Variants in CDC5L observed in about 807,000 individuals in gnomAD.
CDC5L encodes the protein cell division cycle 5 like, also known as cell division cycle 5-like protein.
Under a neutral mutation model 104.1 loss-of-function variants are expected in CDC5L, and 18 were observed. That is an observed-to-expected ratio of 0.17 (90% CI 0.12 to 0.26). The LOEUF (loss-of-function observed/expected upper bound fraction) is 0.26. Ranked by LOEUF, CDC5L falls within the 10% of genes least tolerant of loss-of-function variation. The pLI is 1.00. For synonymous variants in CDC5L, 331 were observed against 322.7 expected (o/e 1.03, Z -0.28); for missense variants, 673 against 956.9 (o/e 0.70, Z 3.91).
chr6:44,438,670 T>A (rs1020458101), intron 14 of CDC5L, among the ~76,000 whole-genome samples: 1 of 144,956 alleles, frequency 6.9e-6, no homozygotes, highest in Non-Finnish European at 1.5e-5. Flanking sequence ...TTTGTCTTTT[T>A]TTTTTTTTTT....
chr6:44,405,238 C>G (rs991239541), intron 6 of CDC5L, among the ~76,000 whole-genome samples: 1 of 152,012 alleles, frequency 6.6e-6, no homozygotes, highest in Admixed American at 6.6e-5. Flanking sequence ...CTCCGTTGAC[C>G]TTTCATTTCT....
intron 7 of CDC5L, among the ~76,000 whole-genome samples, chr6:44,407,429 C>G (rs904519255): frequency 2.0e-5 from 3 of 151,896 alleles, no homozygotes. Context: ...CGCGTTCAAG[C>G]GATTCTCCTG....
intron 9 of CDC5L, 95 bp downstream of exon 9, chr6:44,419,692 T>C (rs556640164): frequency 9.9e-6 from 9 of 909,672 alleles, no homozygotes; most frequent in African/African-American, 5.0e-5. Context: ...TGACTACTTA[T>C]TGTGTTGGAT....
chr6:44,432,917 T>A (rs1293205), intron 14 of CDC5L, among the ~76,000 whole-genome samples: 46,486 of 152,084 alleles, frequency 0.31, 9,314 homozygotes, highest in East Asian at 0.74. Context: ...TACCATGCTG[T>A]GTCCATTTTT....
chr6:44,426,614 T>C lies in CDC5L; in HGVS notation c.1783T>C (p.Ser595Pro). The C allele has an allele frequency of 6.2e-7, 1 of 1,613,492 alleles. No individual in the cohort carries two copies. The part of the protein sequence containing the change: ...YDLLHHPYEP[S>P]GNKKGKTVGF... ...CCTTCTACATCACCCTTATGAACCATCTGGAAATAAAAAAGGCAAAACTGT... is the reference window on the plus strand; with the variant it reads ...CCTTCTACATCACCCTTATGAACCACCTGGAAATAAAAAAGGCAAAACTGT... Residue 595 changes from serine to proline, a missense_variant, in exon 13 of 16, where the codon TCT becomes CCT. Ser to Pro is a moderately conservative substitution (Grantham distance 74). Coordinates refer to ENST00000371477, the MANE Select transcript of CDC5L (RefSeq NM_001253.4).
intron 11 of CDC5L, among the ~76,000 whole-genome samples, chr6:44,425,733 T>C (rs1053893150): frequency 6.6e-6 from 1 of 152,086 alleles, no homozygotes; most frequent in Non-Finnish European, 1.5e-5. Flanking sequence ...AACAATACAT[T>C]TTTTGGCTGG....
intron 14 of CDC5L, among the ~76,000 whole-genome samples, chr6:44,437,330 G>A (rs1477535653): frequency 6.6e-6 from 1 of 152,104 alleles, no homozygotes; most frequent in African/African-American, 2.4e-5. Context: ...TACAAAGCAT[G>A]CAGATACCCT....
At chr6:44,395,292 T>C (rs1453442187) in intron 4 of CDC5L, among the ~76,000 whole-genome samples, 12 of 152,228 alleles carry the variant, frequency 7.9e-5, no homozygotes. Context: ...AGGTGATGGG[T>C]ACCCCAGATA....
rs561055940 is a variant in CDC5L at position 44,399,231 on chromosome 6, G to T, written c.539+2791G>T. ...GCCTCCCAAAGTGCTGGGATTGCAG[G>T]TGTGAGCCACTGTGACTGGCCTGTC... On this transcript the variant is annotated intron_variant, in intron 5 of 15. Transcript: ENST00000371477. Among the ~76,000 whole-genome samples the T allele has an allele frequency of 3.3e-3, 506 of 152,288 alleles. 2 individuals carry two copies. The highest frequency in any genetic ancestry group is 4.5e-3 in the Non-Finnish European group (304 of 68,010).
intron 9 of CDC5L, among the ~76,000 whole-genome samples, chr6:44,421,665 A>G (rs898016764): frequency 6.6e-6 from 1 of 152,270 alleles, no homozygotes; most frequent in Non-Finnish European, 1.5e-5. Flanking sequence ...CAGTACAACA[A>G]TAACAAATAA....
At chr6:44,422,328 C>T (rs1467802092) in intron 9 of CDC5L, among the ~76,000 whole-genome samples, 2 of 152,206 alleles carry the variant, frequency 1.3e-5, no homozygotes, top group East Asian at 1.9e-4. Flanking sequence ...TGGCCCACCT[C>T]CCTGCCCACT....
At position 44,391,409 on chromosome 6, in the gene CDC5L, C is replaced by T. The variant is rs369157873; in HGVS notation, c.149+1038C>T. On this transcript the variant is annotated intron_variant, in intron 2 of 15. Coordinates refer to ENST00000371477, the MANE Select transcript of CDC5L (RefSeq NM_001253.4). ...GACTACAGGCTCCTGCCACCATTCCCGGCTAATTTTTTGTATTTTTAGTAG... is the reference window on the plus strand; with the variant it reads ...GACTACAGGCTCCTGCCACCATTCCTGGCTAATTTTTTGTATTTTTAGTAG... 1.9e-4 allele frequency among the ~76,000 whole-genome samples: 29 copies of T among 151,958 alleles called. 1 individual carries two copies. Among genetic ancestry groups the T allele is most frequent in the Non-Finnish European group, 3.2e-4 (22 of 67,972 alleles).
intron 2 of CDC5L, among the ~76,000 whole-genome samples, chr6:44,392,033 A>G (rs1790647744): frequency 6.6e-6 from 1 of 152,108 alleles, no homozygotes; most frequent in South Asian, 2.1e-4. Context: ...AGGCTGAAGA[A>G]GTCGTTCTGA....
intron 14 of CDC5L, chr6:44,435,591 G>A (rs1245666698): frequency 1.3e-5 from 2 of 153,750 alleles, no homozygotes; most frequent in East Asian, 2.0e-4. Flanking sequence ...GAGGGGGACA[G>A]TCAGTTTATT....
At chr6:44,393,125 A>C (rs1790692210) in intron 3 of CDC5L, among the ~76,000 whole-genome samples, 1 of 151,692 alleles carries the variant, frequency 6.6e-6, no homozygotes, top group African/African-American at 2.4e-5. Flanking sequence ...TCACACTGCT[A>C]AGAATTAACT....
At position 44,436,325 on chromosome 6, in the gene CDC5L, A is replaced by G. The variant is rs987132919; in HGVS notation, c.2091+6415A>G. Among the ~76,000 whole-genome samples the G allele has an allele frequency of 3.3e-5, 5 of 152,198 alleles. 1 individual carries two copies. In the South Asian group the frequency reaches 6.2e-4, roughly 19 times the overall value. The stretch of plus-strand genomic sequence containing the variant: ...TTTTATATTCTGTAAATTTTGAGGA[A>G]TGTCTGAAGTTTTAGACATGGGCTG... On this transcript the variant is annotated intron_variant, in intron 14 of 15. Coordinates refer to ENST00000371477, the MANE Select transcript of CDC5L (RefSeq NM_001253.4).
intron 14 of CDC5L, among the ~76,000 whole-genome samples, chr6:44,440,587 A>G (rs548143491): frequency 2.6e-5 from 4 of 152,062 alleles, no homozygotes; most frequent in Non-Finnish European, 5.9e-5. Flanking sequence ...ATAATTGCAT[A>G]TGTTTATGGA....
At chr6:44,424,121 CT>C (rs1792312686) in intron 10 of CDC5L, among the ~76,000 whole-genome samples, 1 of 151,730 alleles carries the variant, frequency 6.6e-6, no homozygotes, top group Non-Finnish European at 1.5e-5. Flanking sequence ...CTTTTTTTCT[CT>C]TTCTGTAATT....
intron 8 of CDC5L, among the ~76,000 whole-genome samples, chr6:44,410,148 T>G (rs914132118): frequency 1.1e-4 from 17 of 152,202 alleles, no homozygotes; most frequent in African/African-American, 4.1e-4. Context: ...CTATAATCAC[T>G]GTAATGTATA....
Sources: allele counts gnomAD v4.1 joint callset (sites outside exome capture counted in the v4.1 genomes callset), GRCh38; gene constraint gnomAD v4.1.1; transcripts MANE v1.5; gene names NCBI Gene and HGNC (gene_info 2026-07-23, HGNC 2026-07-21).